GNL3L: variants seen among roughly 807,000 people sequenced by gnomAD.
GNL3L encodes the protein G protein nucleolar 3 like, also known as guanine nucleotide-binding protein-like 3-like protein.
GNL3L carries 4 observed loss-of-function variants against 42.9 expected under a neutral mutation model. That is an observed-to-expected ratio of 0.09 (90% CI 0.05 to 0.21). The LOEUF is 0.21. Ranked by LOEUF, GNL3L falls within the 10% of genes least tolerant of loss-of-function variation. The pLI is 1.00. For missense variants in GNL3L, 412 were observed against 481.7 expected (o/e 0.86, Z 1.36); for synonymous variants, 159 against 176.3 (o/e 0.90, Z 0.78).
the GNL3L span, among the ~76,000 whole-genome samples, chrX:54,639,038 C>T: frequency 4.6e-4 from 51 of 111,606 alleles, no homozygotes; most frequent in Non-Finnish European, 8.3e-4. Context: ...GCATACACTT[C>T]TCTAGGAGTC....
intron 16 of GNL3L, among the ~76,000 whole-genome samples, chrX:54,620,001 C>T (rs1926268594): frequency 1.8e-5 from 2 of 110,728 alleles, no homozygotes; most frequent in South Asian, 7.6e-4. Context: ...TTTGTGGGTA[C>T]ATAGTAGGTG....
intron 16 of GNL3L, among the ~76,000 whole-genome samples, chrX:54,597,418 A>G (rs1925943324): frequency 9.0e-6 from 1 of 110,938 alleles, no homozygotes; most frequent in African/African-American, 3.3e-5. Context: ...TCCAAGATGC[A>G]AAGTAAAGTC....
chrX:54,570,841 TTTTGTTTATAC>T (rs1371105809), downstream of GNL3L, among the ~76,000 whole-genome samples: 1 of 111,915 alleles, frequency 8.9e-6, no homozygotes, highest in Non-Finnish European at 1.9e-5. Flanking sequence ...TTGTTGTTAT[TTTTGTTTATAC>T]TTTAAGTCCT....
intron 16 of GNL3L, among the ~76,000 whole-genome samples, chrX:54,590,593 T>A (rs944707710): frequency 1.8e-5 from 2 of 111,299 alleles, no homozygotes; most frequent in Non-Finnish European, 1.9e-5. Context: ...ACTTTGTTGA[T>A]CATTTCCCTT....
chrX:54,580,815 CTG>C (rs1925704486), intron 16 of GNL3L, among the ~76,000 whole-genome samples: 1 of 112,405 alleles, frequency 8.9e-6, no homozygotes, highest in African/African-American at 3.2e-5. Flanking sequence ...GAGTCTCACT[CTG>C]TCACCCAGGC....
rs1356050935 is a variant in GNL3L at position 54,609,865 on chromosome X, G to GT, written c.*46-10974dup. Among the ~76,000 whole-genome samples the GT allele has an allele frequency of 4.5e-5, 5 of 111,340 alleles. No individual in the cohort carries two copies. In the Admixed American group the frequency reaches 4.8e-4, roughly 11 times the overall value. On this transcript the variant is annotated intron_variant, in intron 16 of 16. Transcript: ENST00000674498. The stretch of plus-strand genomic sequence containing the variant: ...TTGTTTCCATATCAATTTTAGCATT[G>GT]TTTTTTCTAATTCTGTGTGGAATGA...
intron 16 of GNL3L, among the ~76,000 whole-genome samples, chrX:54,620,176 T>C (rs1251500550): frequency 1.8e-5 from 2 of 111,181 alleles, no homozygotes; most frequent in Non-Finnish European, 3.8e-5. Flanking sequence ...TAAATTATTA[T>C]AGACCATAGT....
chrX:54,564,402 C>CTTTT lies in GNL3L; in HGVS notation c.*3817_*3820dup, dbSNP rs567172499. ...AGTCACTGGTTTTTTTCTTCGTTCT[C>CTTTT]TTTTTTTTTTTTTTTTTTTTGAGAC... On this transcript the variant is annotated 3_prime_UTR_variant, in exon 16 of 16. Coordinates refer to ENST00000360845, the MANE Select transcript of GNL3L (RefSeq NM_001184819.2). Among the ~76,000 whole-genome samples, 72 of 80,772 alleles carry CTTTT rather than the reference C, an allele frequency of 8.9e-4. 1 individual carries two copies. The highest frequency in any genetic ancestry group is 2.6e-3 in the South Asian group (4 of 1,541). The allele number at this position is 80,772 out of a possible 115,157, so 70.1% of individuals were successfully genotyped here. A position where few individuals can be genotyped will look rare whatever the true frequency, so the allele number is the denominator to read the frequency against.
rs1313044343 is a variant in GNL3L, at chrX:54,561,896, C to T, written c.*1294C>T. Among the ~76,000 whole-genome samples, 13 of 111,871 alleles carry T rather than the reference C, an allele frequency of 1.2e-4. 1 individual carries two copies. The highest frequency in any genetic ancestry group is 2.3e-4 in the Non-Finnish European group (12 of 53,148). ...GTGAGCCCAAGCAGTGCCAGAGGCCCTCAGAAAGGGATTAGGGTAGATGAT... is the reference window on the plus strand; with the variant it reads ...GTGAGCCCAAGCAGTGCCAGAGGCCTTCAGAAAGGGATTAGGGTAGATGAT... On this transcript the variant is annotated 3_prime_UTR_variant, in exon 16 of 16. Coordinates refer to ENST00000360845, the MANE Select transcript of GNL3L (RefSeq NM_001184819.2).
At chrX:54,607,082 CTTCTTTCTTTCTTTCTTTCTTTCT>C (rs751343853) in intron 16 of GNL3L, among the ~76,000 whole-genome samples, 1 of 21,976 alleles carries the variant, frequency 4.6e-5, no homozygotes, top group Non-Finnish European at 1.1e-4. Context: ...CTCTTTCTTT[CTTCTTTCTTTCTTTCTTTCTTTCT>C]TTCTTTCTTT....
At chrX:54,598,231 C>T (rs947938381) in intron 16 of GNL3L, among the ~76,000 whole-genome samples, 4 of 111,366 alleles carry the variant, frequency 3.6e-5, no homozygotes, top group Admixed American at 1.9e-4. Flanking sequence ...CTGCCTTCCT[C>T]TGTCAACAAA....
Position 54,558,448 on chromosome X carries a change from A to G in GNL3L, c.1459A>G (p.Thr487Ala), listed in dbSNP as rs146552768. The change falls in exon 15 of 16, where the codon ACT becomes GCT. Residue 487 changes from threonine (T) to alanine (A), a missense_variant. Coordinates refer to ENST00000360845, the MANE Select transcript of GNL3L (RefSeq NM_001184819.2). ...TGTCTCTTCCTAGATTGGAGATCTCACTGGGTATTGCACCAATCCGAACCG... is the reference window on the plus strand; with the variant it reads ...TGTCTCTTCCTAGATTGGAGATCTCGCTGGGTATTGCACCAATCCGAACCG... ...KTTVYKIGDL[T>A]GYCTNPNRHQ... 14 of 1,190,565 alleles carry G rather than the reference A, an allele frequency of 1.2e-5. No individual in the cohort carries two copies. The African/African-American group carries it at 2.3e-4, about 20-fold the overall frequency.
intron 16 of GNL3L, among the ~76,000 whole-genome samples, chrX:54,620,379 G>A (rs1391631252): frequency 8.9e-6 from 1 of 111,807 alleles, no homozygotes; most frequent in African/African-American, 3.3e-5. Context: ...AAATAAGTGA[G>A]AACATGCAAT....
rs1293065895 is a variant in GNL3L, at chrX:54,564,919, A to T, written c.*4317A>T. ...GGGCTAATTTTTGTATTTTTAGTAGAGGCGGGGGTTTCTCCACACTGGCCA... is the reference window on the plus strand; with the variant it reads ...GGGCTAATTTTTGTATTTTTAGTAGTGGCGGGGGTTTCTCCACACTGGCCA... On this transcript the variant is annotated 3_prime_UTR_variant, in exon 16 of 16. Transcript: ENST00000360845. Among the ~76,000 whole-genome samples the T allele has an allele frequency of 3.8e-5, 4 of 104,310 alleles. No homozygotes were observed. Among genetic ancestry groups the T allele is most frequent in the African/African-American group, 1.4e-4 (4 of 28,318 alleles). The allele number at this position is 104,310 out of a possible 115,157, so 90.6% of individuals were successfully genotyped here. A position where few individuals can be genotyped will look rare whatever the true frequency, so the allele number is the denominator to read the frequency against.
intron 2 of GNL3L, among the ~76,000 whole-genome samples, chrX:54,533,611 G>GT (rs1041088658): frequency 2.7e-5 from 3 of 110,546 alleles, no homozygotes; most frequent in African/African-American, 9.9e-5. Context: ...TATTTTTTAT[G>GT]TTTTTTTGAG....
At chrX:54,576,416 T>A (rs889871269) in intron 16 of GNL3L, among the ~76,000 whole-genome samples, 2 of 112,056 alleles carry the variant, frequency 1.8e-5, no homozygotes, top group Non-Finnish European at 3.8e-5. Context: ...CCTTCTAGAC[T>A]GCATATAGCT....
rs1259011090 is a variant in GNL3L at position 54,564,392 on chromosome X, T to C, written c.*3790T>C. Among the ~76,000 whole-genome samples, 3 of 102,002 alleles carry C rather than the reference T, an allele frequency of 2.9e-5. No individual in the cohort carries two copies. Among genetic ancestry groups the C allele is most frequent in the Admixed American group, 2.2e-4 (2 of 9,138 alleles). 88.6% of individuals were successfully genotyped at this position (102,002 alleles called of 115,157 possible). ...AAACCCTGGCAGTCACTGGTTTTTT[T>C]CTTCGTTCTCTTTTTTTTTTTTTTT... On this transcript the variant is annotated 3_prime_UTR_variant, in exon 16 of 16. Coordinates refer to ENST00000360845, the MANE Select transcript of GNL3L (RefSeq NM_001184819.2).
intron 16 of GNL3L, among the ~76,000 whole-genome samples, chrX:54,577,205 G>A (rs925903939): frequency 8.9e-6 from 1 of 112,024 alleles, no homozygotes; most frequent in Non-Finnish European, 1.9e-5. Context: ...CGTTTTCAAG[G>A]TTCATCCATG....
At chrX:54,550,073 C>CA (rs1387890809) in intron 9 of GNL3L, among the ~76,000 whole-genome samples, 1 of 109,085 alleles carries the variant, frequency 9.2e-6, no homozygotes, top group Non-Finnish European at 1.9e-5. Context: ...GAATGAGAGA[C>CA]AGACAAATTG....
Sources: gnomAD v4.1 joint callset for allele counts (sites outside exome capture counted in the v4.1 genomes callset) on GRCh38, gnomAD v4.1.1 for gene constraint, MANE v1.5 for transcripts, NCBI Gene and HGNC (gene_info 2026-07-23, HGNC 2026-07-21) for gene names.